Variants in KALRN observed in about 807,000 individuals in gnomAD.
KALRN encodes the protein kalirin.
KALRN carries 70 observed loss-of-function variants against 353.7 expected under a neutral mutation model. The ratio of observed to expected loss-of-function variants is 0.20; its 90% confidence interval spans 0.16 to 0.24. The LOEUF (loss-of-function observed/expected upper bound fraction) is 0.24. Ranked by LOEUF, KALRN falls within the 10% of genes least tolerant of loss-of-function variation. KALRN has a pLI of 1.00. For missense variants in KALRN, 2,791 were observed against 3,756.7 expected (o/e 0.74, Z 6.72); for synonymous variants, 1,391 against 1,434.8 (o/e 0.97, Z 0.69).
intron 1 of KALRN, among the ~76,000 whole-genome samples, chr3:124,034,279 C>G (rs1443956690): frequency 6.6e-6 from 1 of 152,154 alleles, no homozygotes; most frequent in Non-Finnish European, 1.5e-5. Flanking sequence ...CACAGAGGGG[C>G]GGCGGGGACC....
At chr3:124,708,184 A>G (rs1340934865) in intron 57 of KALRN, among the ~76,000 whole-genome samples, 2 of 152,288 alleles carry the variant, frequency 1.3e-5, no homozygotes, top group African/African-American at 4.8e-5. Context: ...GGATTTTAAC[A>G]GAATCAGTCT....
chr3:124,401,216 A>G (rs1283493079), intron 13 of KALRN, among the ~76,000 whole-genome samples: 1 of 152,236 alleles, frequency 6.6e-6, no homozygotes, highest in Non-Finnish European at 1.5e-5. Context: ...TGACACTTAA[A>G]TTATGGAGCC....
chr3:124,178,781 C>T (rs193003365), intron 1 of KALRN, among the ~76,000 whole-genome samples: 1 of 152,258 alleles, frequency 6.6e-6, no homozygotes, highest in African/African-American at 2.4e-5. Context: ...TTTATGAACA[C>T]TGTACACTTA....
intron 3 of KALRN, among the ~76,000 whole-genome samples, chr3:124,238,046 C>G (rs533272425): frequency 6.6e-6 from 1 of 152,264 alleles, no homozygotes; most frequent in African/African-American, 2.4e-5. Flanking sequence ...TCCCACTCTC[C>G]TCTCTGTAGG....
At chr3:124,521,621 T>C (rs2067168788) in intron 33 of KALRN, among the ~76,000 whole-genome samples, 1 of 152,142 alleles carries the variant, frequency 6.6e-6, no homozygotes, top group African/African-American at 2.4e-5. Flanking sequence ...ACTATTGCCA[T>C]TTTTAGAAAA....
At chr3:124,118,931 C>G (rs1344595328) in intron 1 of KALRN, among the ~76,000 whole-genome samples, 5 of 152,286 alleles carry the variant, frequency 3.3e-5, no homozygotes, top group Non-Finnish European at 2.9e-5. Context: ...TGTCATAAGA[C>G]TGTATGTCCA....
chr3:124,560,767 C>G (rs1311688501), intron 33 of KALRN, among the ~76,000 whole-genome samples: 1 of 152,208 alleles, frequency 6.6e-6, no homozygotes, highest in Non-Finnish European at 1.5e-5. Context: ...GTCCCAGCTA[C>G]TCAGCAGGCT....
intron 26 of KALRN, among the ~76,000 whole-genome samples, chr3:124,476,407 C>T (rs1462495311): frequency 1.3e-5 from 2 of 151,626 alleles, no homozygotes; most frequent in East Asian, 3.9e-4. Context: ...TCATGAGGAC[C>T]AAATGAGTTA....
At chr3:124,602,380 AG>A (rs1561393661) in intron 34 of KALRN, among the ~76,000 whole-genome samples, 2 of 152,194 alleles carry the variant, frequency 1.3e-5, no homozygotes, top group Admixed American at 6.5e-5. Context: ...CAGCAAGGAC[AG>A]GGTTTCAACT....
chr3:124,512,478 T>G (rs1386950532), intron 33 of KALRN, among the ~76,000 whole-genome samples: 1 of 152,112 alleles, frequency 6.6e-6, no homozygotes, highest in South Asian at 2.1e-4. Flanking sequence ...GGTGAAACCC[T>G]GCCACTACTG....
At chr3:124,552,471 G>A (rs2070667449) in intron 33 of KALRN, among the ~76,000 whole-genome samples, 1 of 152,158 alleles carries the variant, frequency 6.6e-6, no homozygotes, top group Non-Finnish European at 1.5e-5. Context: ...TGGATACCTT[G>A]ACCTCCACCC....
chr3:124,236,487 A>C (rs1470655047), intron 3 of KALRN, among the ~76,000 whole-genome samples: 2 of 152,172 alleles, frequency 1.3e-5, no homozygotes, highest in African/African-American at 4.8e-5. Flanking sequence ...TTTACAATAG[A>C]AGTTTTCATA....
chr3:124,450,444 C>T (rs1239013935), intron 21 of KALRN, among the ~76,000 whole-genome samples: 1 of 152,092 alleles, frequency 6.6e-6, no homozygotes, highest in African/African-American at 2.4e-5. Flanking sequence ...ACTATGATTT[C>T]CTGAGATTCA....
chr3:124,590,555 T>C (rs1367139919), intron 34 of KALRN, among the ~76,000 whole-genome samples: 1 of 152,162 alleles, frequency 6.6e-6, no homozygotes, highest in Non-Finnish European at 1.5e-5. Context: ...GCTGATATTC[T>C]ATTTTGTGGT....
intron 34 of KALRN, chr3:124,584,849 C>G (rs56407180): frequency 2.1e-5 from 34 of 1,606,840 alleles, no homozygotes; most frequent in African/African-American, 2.7e-5. Flanking sequence ...GGCTTACACC[C>G]GAGGTCCCTC....
At chr3:124,239,449 A>G (rs1019643006) in intron 3 of KALRN, among the ~76,000 whole-genome samples, 3 of 152,208 alleles carry the variant, frequency 2.0e-5, no homozygotes, top group African/African-American at 7.2e-5. Flanking sequence ...TGTATCTGAC[A>G]CTTAATCTGC....
chr3:124,260,533 C>T (rs1411134961), intron 3 of KALRN, among the ~76,000 whole-genome samples: 1 of 152,098 alleles, frequency 6.6e-6, no homozygotes, highest in Non-Finnish European at 1.5e-5. Context: ...TGTTACTTGC[C>T]CTTGGGAATT....
intron 34 of KALRN, among the ~76,000 whole-genome samples, chr3:124,565,435 G>A (rs570876679): frequency 1.3e-5 from 2 of 152,156 alleles, no homozygotes; most frequent in Non-Finnish European, 1.5e-5. Context: ...GGTAAAATGA[G>A]GTAATGGAGA....
At chr3:124,628,162 T>TCCC (rs1365768824) in intron 34 of KALRN, among the ~76,000 whole-genome samples, 2,893 of 18,422 alleles carry the variant, frequency 0.16, 180 homozygotes, top group East Asian at 0.28. Context: ...CCTCCCTCCC[T>TCCC]TCCTTCCTTC....
Sources: gnomAD v4.1 joint callset for allele counts (sites outside exome capture counted in the v4.1 genomes callset) on GRCh38, gnomAD v4.1.1 for gene constraint, MANE v1.5 for transcripts, NCBI Gene and HGNC (gene_info 2026-07-23, HGNC 2026-07-21) for gene names.